The following MRPS27 variants were observed in gnomAD, a reference collection of about 807,000 sequenced individuals.
MRPS27 encodes mitochondrial ribosomal protein S27, also known as small ribosomal subunit protein mS27.
In MRPS27, 43 loss-of-function variants were observed where a neutral mutation model predicts 48.9. The observed-to-expected ratio is 0.88, with a 90% confidence interval of 0.69 to 1.13. The LOEUF (loss-of-function observed/expected upper bound fraction) is 1.13, where lower values mean the gene tolerates loss of function less well. MRPS27 is among the 50% of genes most tolerant of loss of function. The probability of loss-of-function intolerance (pLI) is 0.00; values close to 1 mark genes in which losing one functional copy is unlikely to be tolerated. For missense variants in MRPS27, 467 were observed against 476.3 expected, an observed-to-expected ratio of 0.98 and a Z score of 0.18; for synonymous variants, 188 against 171.9, an observed-to-expected ratio of 1.09 and a Z score of -0.73.
chr5:72,292,891 T>C (rs1166343148), intron 4 of MRPS27, among the ~76,000 whole-genome samples: 4 of 152,132 alleles, frequency 2.6e-5, no homozygotes, highest in Non-Finnish European at 2.9e-5. Context: ...CTGTGAGTTG[T>C]ATAAAATTAA....
chr5:72,257,545 T>G (rs1348062059), intron 4 of MRPS27, among the ~76,000 whole-genome samples: 1 of 152,234 alleles, frequency 6.6e-6, no homozygotes, highest in Non-Finnish European at 1.5e-5. Context: ...ATGGGTTTCA[T>G]GAAAATTGTT....
intron 4 of MRPS27, among the ~76,000 whole-genome samples, chr5:72,253,891 G>C (rs925155996): frequency 2.0e-5 from 3 of 152,088 alleles, no homozygotes; most frequent in Non-Finnish European, 4.4e-5. Context: ...AAATTCTCTT[G>C]TAAGAAGATA....
At chr5:72,299,600 C>G (rs1418991069) in intron 2 of MRPS27, among the ~76,000 whole-genome samples, 2 of 152,198 alleles carry the variant, frequency 1.3e-5, no homozygotes, top group Non-Finnish European at 2.9e-5. Context: ...CTGAACAAAT[C>G]AGAGCAGCAC....
intron 4 of MRPS27, among the ~76,000 whole-genome samples, chr5:72,276,139 G>A (rs1420171879): frequency 2.6e-5 from 4 of 152,014 alleles, no homozygotes; most frequent in Non-Finnish European, 5.9e-5. Flanking sequence ...AAAGCTGGAG[G>A]CATCACGCTA....
chr5:72,253,890 T>C (rs975207823), intron 4 of MRPS27, among the ~76,000 whole-genome samples: 4 of 152,172 alleles, frequency 2.6e-5, no homozygotes, highest in Non-Finnish European at 4.4e-5. Context: ...GAAATTCTCT[T>C]GTAAGAAGAT....
chr5:72,237,818 AGTAGCAGCTACAGGATTTTTTT>A, intron 5 of MRPS27, among the ~76,000 whole-genome samples, 174 bp downstream of exon 5: 1 of 152,194 alleles, frequency 6.6e-6, no homozygotes, highest in South Asian at 2.1e-4. Flanking sequence ...CATTTGGAAA[AGTAGCAGCTACAGGATTTTTTT>A]TTTTAATTTA....
At chr5:72,240,898 G>A (rs1322738711) in intron 4 of MRPS27, among the ~76,000 whole-genome samples, 1 of 152,202 alleles carries the variant, frequency 6.6e-6, no homozygotes, top group Non-Finnish European at 1.5e-5. Flanking sequence ...AGCCTTTTGA[G>A]ATATTTGTCA....
intron 2 of MRPS27, among the ~76,000 whole-genome samples, chr5:72,308,753 G>A (rs1750353948): frequency 6.6e-6 from 1 of 152,180 alleles, no homozygotes; most frequent in African/African-American, 2.4e-5. Context: ...TGAAAAAAGC[G>A]GCAATAATTA....
chr5:72,317,945 C>A (rs1225554941), intron 1 of MRPS27, among the ~76,000 whole-genome samples: 2 of 152,200 alleles, frequency 1.3e-5, no homozygotes, highest in African/African-American at 4.8e-5. Flanking sequence ...ATTTTTTTGG[C>A]TTCCCTGGTC....
At chr5:72,279,809 ATAC>A (rs1749486737) in intron 4 of MRPS27, among the ~76,000 whole-genome samples, 1 of 152,056 alleles carries the variant, frequency 6.6e-6, no homozygotes, top group Admixed American at 6.5e-5. Flanking sequence ...CCCCAGTGTT[ATAC>A]TACTATTAAT....
At chr5:72,292,586 T>G (rs1749856271) in intron 4 of MRPS27, among the ~76,000 whole-genome samples, 1 of 152,226 alleles carries the variant, frequency 6.6e-6, no homozygotes, top group Non-Finnish European at 1.5e-5. Context: ...CCTGAGCTGC[T>G]GGAACTTGGA....
chr5:72,252,407 G>A (rs1029412344), intron 4 of MRPS27, among the ~76,000 whole-genome samples: 4 of 152,090 alleles, frequency 2.6e-5, no homozygotes, highest in African/African-American at 9.7e-5. Flanking sequence ...ATCAGTTTGT[G>A]AAAAATCTTT....
At position 72,301,041 on chromosome 5, in the gene MRPS27, C is replaced by A. The variant is rs184910188; in HGVS notation, c.152-3339G>T. Reference sequence around the variant, plus strand: ...ATTGGGTTTCCAAGGTTTGTTTACTCCCTGGTGGAAGAAATTGGTATCAAG... The same window carrying A: ...ATTGGGTTTCCAAGGTTTGTTTACTACCTGGTGGAAGAAATTGGTATCAAG... On this transcript the variant is annotated intron_variant, in intron 2 of 10. Transcript: ENST00000261413. Among the ~76,000 whole-genome samples, 233 of 152,310 alleles carry A rather than the reference C, an allele frequency of 1.5e-3. 1 individual carries two copies. Among genetic ancestry groups the A allele is most frequent in the Middle Eastern group, 6.8e-3 (2 of 294 alleles).
At chr5:72,316,739 T>A (rs1375503223) in intron 1 of MRPS27, among the ~76,000 whole-genome samples, 1 of 149,892 alleles carries the variant, frequency 6.7e-6, no homozygotes, top group African/African-American at 2.4e-5. Flanking sequence ...TTTAAAAAAA[T>A]AGAAAAACAG....
chr5:72,261,268 T>C (rs551372408), intron 4 of MRPS27, among the ~76,000 whole-genome samples: 121 of 152,298 alleles, frequency 7.9e-4, no homozygotes, highest in African/African-American at 2.7e-3. Context: ...TGTATGTATG[T>C]TGAGACGGAG....
chr5:72,311,616 C>T (rs1750442849), intron 2 of MRPS27, among the ~76,000 whole-genome samples: 1 of 152,190 alleles, frequency 6.6e-6, no homozygotes, highest in African/African-American at 2.4e-5. Flanking sequence ...GCTCAGCCCC[C>T]TCGCCATGTG....
At position 72,242,193 on chromosome 5, in the gene MRPS27, C is replaced by T. The variant is rs1241304493; in HGVS notation, c.282-4065G>A. ...GTGAAGACAGAGCTTGCCTAGGAAG[C>T]CAAACCACGGCCAATAAAATAGCAG... On this transcript the variant is annotated intron_variant, in intron 4 of 10. Transcript: ENST00000261413. Among the ~76,000 whole-genome samples the T allele has an allele frequency of 2.0e-5, 3 of 152,038 alleles. No individual in the cohort carries two copies. The East Asian group carries it at 5.8e-4, about 29-fold the overall frequency.
At chr5:72,236,987 A>T (rs1748213138) in intron 5 of MRPS27, among the ~76,000 whole-genome samples, 1 of 146,856 alleles carries the variant, frequency 6.8e-6, no homozygotes, top group Admixed American at 6.9e-5. Context: ...TGGCATCATC[A>T]CAGCTCATTG....
chr5:72,228,127 G>T, intron 8 of MRPS27, 139 bp downstream of exon 8: 1 of 723,954 alleles, frequency 1.4e-6, no homozygotes, highest in Non-Finnish European at 2.3e-6. Context: ...GGCCATCAAG[G>T]TCTATTTTTA....
Sources: gnomAD v4.1 joint callset for allele counts (sites outside exome capture counted in the v4.1 genomes callset) on GRCh38, gnomAD v4.1.1 for gene constraint, MANE v1.5 for transcripts, NCBI Gene and HGNC (gene_info 2026-07-23, HGNC 2026-07-21) for gene names.